Variants in FSTL4 observed in about 807,000 individuals in gnomAD.
FSTL4 encodes follistatin-related protein 4.
A neutral mutation model predicts 78.2 loss-of-function variants in FSTL4; 28 were observed. The observed-to-expected ratio is 0.36, with a 90% CI of 0.27 to 0.49. The LOEUF is 0.49. FSTL4 is among the 20% of genes least tolerant of loss of function. The pLI, the probability that FSTL4 is intolerant of heterozygous loss-of-function variation, is 0.98. For synonymous variants in FSTL4, 422 were observed against 440.5 expected, an observed-to-expected ratio of 0.96 and a Z score of 0.53; for missense variants, 922 against 1,084.9, an observed-to-expected ratio of 0.85 and a Z score of 2.11.
the FSTL4 span, among the ~76,000 whole-genome samples, chr5:133,624,854 G>A: frequency 4.0e-5 from 6 of 151,396 alleles, no homozygotes; most frequent in Non-Finnish European, 7.4e-5. Flanking sequence ...TAATTTTGGT[G>A]GGAATTTTGT....
intron 3 of FSTL4, among the ~76,000 whole-genome samples, chr5:133,507,988 T>C (rs433759): frequency 0.053 from 8,082 of 152,246 alleles, 288 homozygotes; most frequent in Non-Finnish European, 0.077. Context: ...AAATGCATCA[T>C]TGGGTATTTT....
intron 3 of FSTL4, among the ~76,000 whole-genome samples, chr5:133,449,020 T>C (rs998747200): frequency 6.6e-6 from 1 of 151,300 alleles, no homozygotes; most frequent in Admixed American, 6.6e-5. Flanking sequence ...TTCAGGCGCA[T>C]ATATATATAT....
In FSTL4 at chr5:133,341,298, T is replaced by C. The variant is rs1394658216; in HGVS notation, c.410-24646A>G. On this transcript the variant is annotated intron_variant, in intron 4 of 15. Coordinates refer to ENST00000265342, the MANE Select transcript of FSTL4 (RefSeq NM_015082.2). ...TGTGCAGGAATTCAAACATAAAAAA[T>C]ATGTGCAGGAATTCAAACACATGCA... 2.3e-5 allele frequency among the ~76,000 whole-genome samples: 3 copies of C among 133,094 alleles called. No individual in the cohort carries two copies. In the Admixed American group the frequency reaches 2.5e-4, roughly 11 times the overall value. The allele number at this position is 133,094 out of a possible 152,430, so 87.3% of individuals were successfully genotyped here.
chr5:133,226,675 TTAAAC>T (rs1282960501), intron 8 of FSTL4, among the ~76,000 whole-genome samples: 1 of 152,224 alleles, frequency 6.6e-6, no homozygotes, highest in Admixed American at 6.5e-5. Flanking sequence ...TACCTGCATA[TTAAAC>T]TAAACTAAAC....
At chr5:133,355,520 G>C (rs1235144694) in intron 4 of FSTL4, among the ~76,000 whole-genome samples, 1 of 152,140 alleles carries the variant, frequency 6.6e-6, no homozygotes, top group Non-Finnish European at 1.5e-5. Flanking sequence ...GCTGGGTGTG[G>C]TGGCGCATGC....
At chr5:133,701,476 C>CAT in the FSTL4 span, among the ~76,000 whole-genome samples, 3 of 99,310 alleles carry the variant, frequency 3.0e-5, no homozygotes, top group Non-Finnish European at 6.6e-5. Flanking sequence ...GAAACACACA[C>CAT]ACACACACAC....
At chr5:133,774,550 T>C in the FSTL4 span, among the ~76,000 whole-genome samples, 1 of 152,196 alleles carries the variant, frequency 6.6e-6, no homozygotes, top group African/African-American at 2.4e-5. Flanking sequence ...TCTAAGACAC[T>C]GATACATGGG....
chr5:133,503,686 A>G (rs961921495), intron 3 of FSTL4, among the ~76,000 whole-genome samples: 1 of 152,144 alleles, frequency 6.6e-6, no homozygotes, highest in African/African-American at 2.4e-5. Flanking sequence ...ATGACTCCCA[A>G]ATCTCCATAT....
intron 3 of FSTL4, among the ~76,000 whole-genome samples, chr5:133,560,630 C>A (rs1221152665): frequency 2.0e-5 from 3 of 151,436 alleles, no homozygotes; most frequent in Non-Finnish European, 4.4e-5. Context: ...TCCCAAAGTG[C>A]TGGGATTACA....
chr5:133,345,921 T>G (rs771536864), intron 4 of FSTL4, among the ~76,000 whole-genome samples: 12 of 152,230 alleles, frequency 7.9e-5, no homozygotes, highest in Non-Finnish European at 1.6e-4. Context: ...AATCCTATTC[T>G]ACTATAAAGA....
intron 4 of FSTL4, among the ~76,000 whole-genome samples, chr5:133,395,221 A>G (rs1755988201): frequency 6.6e-6 from 1 of 152,142 alleles, no homozygotes; most frequent in African/African-American, 2.4e-5. Context: ...GCTCTTTGCA[A>G]TAAATATTGC....
chr5:133,811,020 G>A, the FSTL4 span, among the ~76,000 whole-genome samples: 1 of 152,068 alleles, frequency 6.6e-6, no homozygotes, highest in Non-Finnish European at 1.5e-5. Flanking sequence ...CTTACCAGGG[G>A]CTCCCATACC....
the FSTL4 span, among the ~76,000 whole-genome samples, chr5:133,805,886 C>T: frequency 2.2e-3 from 330 of 152,308 alleles, 1 homozygote; most frequent in Middle Eastern, 6.8e-3. Flanking sequence ...GTCATCATCT[C>T]TATGTGGCAG....
chr5:133,806,705 C>G, the FSTL4 span, among the ~76,000 whole-genome samples: 1 of 152,148 alleles, frequency 6.6e-6, no homozygotes, highest in Non-Finnish European at 1.5e-5. Context: ...GTGCCCCTGC[C>G]CCTGAGAACT....
chr5:133,574,962 C>A (rs1190849956), intron 2 of FSTL4: 1 of 151,992 alleles, frequency 6.6e-6, no homozygotes, highest in Non-Finnish European at 1.5e-5. Flanking sequence ...TGGAAATGTT[C>A]TATATTATCA....
intron 12 of FSTL4, among the ~76,000 whole-genome samples, chr5:133,219,777 T>C (rs7730239): frequency 0.017 from 2,597 of 152,338 alleles, 69 homozygotes; most frequent in African/African-American, 0.06. Context: ...TCCCTCCAAG[T>C]TACAGGTTAG....
chr5:133,662,998 C>T, the FSTL4 span, among the ~76,000 whole-genome samples: 4 of 152,138 alleles, frequency 2.6e-5, no homozygotes, highest in Non-Finnish European at 4.4e-5. Context: ...CAAAAGCTTA[C>T]ATATTGTACA....
chr5:133,656,560 G>C, the FSTL4 span, among the ~76,000 whole-genome samples: 1 of 152,072 alleles, frequency 6.6e-6, no homozygotes, highest in African/African-American at 2.4e-5. Context: ...CTGCTTGAGC[G>C]TTCTGGGTGG....
At chr5:133,460,543 A>C (rs1052870839) in intron 3 of FSTL4, among the ~76,000 whole-genome samples, 2 of 152,222 alleles carry the variant, frequency 1.3e-5, no homozygotes, top group Non-Finnish European at 2.9e-5. Context: ...AGAGAAGCCT[A>C]ATAGTCGCAA....
Sources: gnomAD v4.1 joint callset for allele counts (sites outside exome capture counted in the v4.1 genomes callset) on GRCh38, gnomAD v4.1.1 for gene constraint, MANE v1.5 for transcripts, NCBI Gene and HGNC (gene_info 2026-07-23, HGNC 2026-07-21) for gene names.